The following POLH variants were observed in gnomAD, a reference collection of about 807,000 sequenced individuals.
POLH encodes the protein DNA polymerase eta.
In POLH, 53 loss-of-function variants were observed where a neutral mutation model predicts 73.6. The observed-to-expected ratio is 0.72, with a 90% CI of 0.58 to 0.91. The LOEUF is 0.91. Ranked by LOEUF, POLH falls within the 40% of genes least tolerant of loss-of-function variation. The pLI is 0.00. For missense variants in POLH, 768 were observed against 865.4 expected, an observed-to-expected ratio of 0.89 and a Z score of 1.41; for synonymous variants, 292 against 308.5, an observed-to-expected ratio of 0.95 and a Z score of 0.56.
chr6:43,593,760 A>G (rs1459250949), intron 4 of POLH, among the ~76,000 whole-genome samples: 1 of 151,792 alleles, frequency 6.6e-6, no homozygotes, highest in Admixed American at 6.6e-5. Flanking sequence ...CATGCCTATA[A>G]TCCTAGCTTT....
chr6:43,614,296 A>T lies in POLH; in HGVS notation c.1881A>T (p.Leu627=), dbSNP rs373634834. The stretch of plus-strand genomic sequence containing the variant: ...AAGCAACCCCAAATCCAAGTCTTCT[A>T]GCTGCTGAGGACCAAGTGCCCTGTG... The part of the protein sequence containing the change: ...TQKATPNPSL[L]AAEDQVPCEK... The change falls in exon 11 of 11, where the codon CTA becomes CTT. Residue 627 remains leucine, a synonymous_variant. Transcript: ENST00000372236. 1 of 1,599,750 alleles carries T rather than the reference A, an allele frequency of 6.3e-7. No homozygotes were observed. Among genetic ancestry groups the T allele is most frequent in the African/African-American group, 1.3e-5 (1 of 74,418 alleles).
At chr6:43,587,005 G>A (rs184932480) in intron 3 of POLH, among the ~76,000 whole-genome samples, 6 of 152,218 alleles carry the variant, frequency 3.9e-5, no homozygotes, top group Non-Finnish European at 7.4e-5. Flanking sequence ...TCATATAGAC[G>A]TGTTCATAGT....
rs1768129381 is a variant in POLH, at chr6:43,613,683, T to G, written c.1268T>G (p.Phe423Cys). The change falls in exon 11 of 11, where the codon TTC becomes TGC. Residue 423 changes from phenylalanine to cysteine, a missense_variant. Physicochemically the swap from Phe to Cys is radical, Grantham distance 205. Coordinates refer to ENST00000372236, the MANE Select transcript of POLH (RefSeq NM_006502.3). The part of the protein sequence containing the change: ...TEWSPPLTML[F>C]LCATKFSASA... ...AGGTCTCCTCCTCTCACAATGCTTT[T>G]CCTCTGTGCTACAAAATTTTCTGCC... is the stretch of plus-strand genomic sequence containing the variant. The G allele has an allele frequency of 6.2e-7, 1 of 1,614,020 alleles. No individual in the cohort carries two copies. Among genetic ancestry groups the G allele is most frequent in the South Asian group, 1.1e-5 (1 of 91,028 alleles).
At chr6:43,598,689 A>G (rs980736324) in intron 5 of POLH, among the ~76,000 whole-genome samples, 110 of 152,184 alleles carry the variant, frequency 7.2e-4, no homozygotes, top group African/African-American at 2.3e-3. Context: ...AACAATTTAT[A>G]TAGCATTTAC....
Position 43,614,032 on chromosome 6 carries a change from A to G in POLH, c.1617A>G (p.Leu539=). 1.2e-6 allele frequency: 2 copies of G among 1,614,168 alleles called. No homozygotes were observed. ...EPFFKQKSLL[L]KQKQLNNSSV... ...TCTTTAAGCAGAAAAGTCTGCTTCT[A>G]AAGCAGAAACAGCTTAATAATTCTT... The change falls in exon 11 of 11, where the codon CTA becomes CTG. Residue 539 remains leucine, a synonymous_variant. Transcript: ENST00000372236.
rs528070245 is a variant in POLH, at chr6:43,576,949, A to G, written c.-5+509A>G. Among the ~76,000 whole-genome samples, 8 of 152,298 alleles carry G rather than the reference A, an allele frequency of 5.3e-5. No homozygotes were observed. The East Asian group carries it at 1.5e-3, about 29-fold the overall frequency. Reference sequence around the variant, plus strand: ...GGCGGGCGGATCACCTGAGGTCAGGAGTTCGAGACCAGCCTCACCAACATG... The same window carrying G: ...GGCGGGCGGATCACCTGAGGTCAGGGGTTCGAGACCAGCCTCACCAACATG... On this transcript the variant is annotated intron_variant, in intron 1 of 10. Coordinates refer to ENST00000372236, the MANE Select transcript of POLH (RefSeq NM_006502.3).
chr6:43,589,591 T>G (rs557062439), intron 4 of POLH, among the ~76,000 whole-genome samples: 1 of 152,232 alleles, frequency 6.6e-6, no homozygotes, highest in African/African-American at 2.4e-5. Context: ...ATTTTTTGAT[T>G]TGCAAGAGTT....
intron 3 of POLH, among the ~76,000 whole-genome samples, chr6:43,585,443 C>G (rs575219273): frequency 6.6e-6 from 1 of 152,054 alleles, no homozygotes; most frequent in African/African-American, 2.4e-5. Context: ...CTAATTATGC[C>G]GTGGTCTTTT....
Position 43,614,123 on chromosome 6 carries a change from G to C in POLH, c.1708G>C (p.Glu570Gln). The C allele has an allele frequency of 6.2e-7, 1 of 1,614,196 alleles. No homozygotes were observed. The highest frequency in any genetic ancestry group is 8.5e-7 in the Non-Finnish European group (1 of 1,180,034). Residue 570 changes from glutamate to glutamine, a missense_variant, in exon 11 of 11, where the codon GAG becomes CAG. Glu to Gln is a conservative substitution (Grantham distance 29). Coordinates refer to ENST00000372236, the MANE Select transcript of POLH (RefSeq NM_006502.3). ...CKALPNSLPT[E>Q]YPGCVPVCEG... ...AGCATTACCAAACTCTTTACCAACA[G>C]AGTATCCAGGGTGTGTCCCTGTTTG...
In POLH at chr6:43,615,976, CA is replaced by C. The variant is rs944299439; in HGVS notation, c.*1426del. 8.6e-5 allele frequency among the ~76,000 whole-genome samples: 13 copies of C among 151,318 alleles called. No homozygotes were observed. The highest frequency in any genetic ancestry group is 3.2e-4 in the African/African-American group (13 of 41,258). On this transcript the variant is annotated 3_prime_UTR_variant, in exon 11 of 11. Coordinates refer to ENST00000372236, the MANE Select transcript of POLH (RefSeq NM_006502.3). ...TGTTAGCCACCGATCCTGGCCCCCCCAAAAAAAGGATTTTAAGAAAAACTTC... is the reference window on the plus strand; with the variant it reads ...TGTTAGCCACCGATCCTGGCCCCCCCAAAAAAGGATTTTAAGAAAAACTTC...
At chr6:43,580,914 G>A (rs112678157) in intron 1 of POLH, among the ~76,000 whole-genome samples, 76 of 149,160 alleles carry the variant, frequency 5.1e-4, no homozygotes, top group African/African-American at 1.0e-3. Context: ...CCTCCCTCCC[G>A]GACGGCACGG....
At position 43,605,317 on chromosome 6, in the gene POLH, G is replaced by C; in HGVS notation, c.1072G>C (p.Asp358His). Residue 358 changes from aspartate to histidine, a missense_variant and splice_region_variant, in exon 9 of 11, where the codon GAT becomes CAT. Coordinates refer to ENST00000372236, the MANE Select transcript of POLH (RefSeq NM_006502.3). ...GGAGAGACTGACTAAAGACCGAAAT[G>C]ATGTAAGATTTTCTTTCTTTATTCC... ...LEERLTKDRNDNDRVATQLVV... is the reference protein window; with the variant it reads ...LEERLTKDRNHNDRVATQLVV... The C allele has an allele frequency of 3.8e-6, 6 of 1,561,108 alleles. No homozygotes were observed. The highest frequency in any genetic ancestry group is 5.3e-6 in the Non-Finnish European group (6 of 1,132,588).
At position 43,610,637 on chromosome 6, in the gene POLH, C is replaced by CG; in HGVS notation, c.1158_1159insG (p.Leu387AlafsTer5). The CG allele has an allele frequency of 6.2e-7, 1 of 1,613,804 alleles. No individual in the cohort carries two copies. Among genetic ancestry groups the CG allele is most frequent in the Non-Finnish European group, 8.5e-7 (1 of 1,179,854 alleles). On this transcript the variant is annotated frameshift_variant, in exon 10 of 11. Coordinates refer to ENST00000372236, the MANE Select transcript of POLH (RefSeq NM_006502.3). LOFTEE classifies it high-confidence loss of function. ...TCAGCAGCCTGCGCCGCTGCTGTGC[C>CG]CTTACCCGCTATGATGCTCACAAGA...
intron 2 of POLH, among the ~76,000 whole-genome samples, chr6:43,582,716 A>T (rs1039884133): frequency 1.3e-5 from 2 of 151,680 alleles, no homozygotes; most frequent in African/African-American, 4.8e-5. Flanking sequence ...GTGGGTAGAG[A>T]TGGGGATTGG....
chr6:43,585,665 G>GA (rs201521491), intron 3 of POLH, among the ~76,000 whole-genome samples: 2,633 of 140,270 alleles, frequency 0.019, 32 homozygotes, highest in South Asian at 0.039. Context: ...GTGGGTGGGG[G>GA]ACGGAGTTTC....
At chr6:43,600,493 G>A (rs944575397) in intron 5 of POLH, among the ~76,000 whole-genome samples, 1 of 152,110 alleles carries the variant, frequency 6.6e-6, no homozygotes, top group Admixed American at 6.6e-5. Context: ...GTTTGTTATT[G>A]GAGGGTGGTT....
At chr6:43,585,637 C>CTTTTTT (rs1208848737) in intron 3 of POLH, among the ~76,000 whole-genome samples, 19 of 107,428 alleles carry the variant, frequency 1.8e-4, no homozygotes, top group African/African-American at 9.2e-4. Context: ...TCTTTCTTTT[C>CTTTTTT]TTTTTTTTTT....
intron 6 of POLH, among the ~76,000 whole-genome samples, chr6:43,602,995 C>CTTT (rs59306548): frequency 1.7e-4 from 19 of 114,024 alleles, no homozygotes; most frequent in African/African-American, 4.7e-4. Flanking sequence ...TTATGTATTC[C>CTTT]TTTTTTTTTT....
intron 4 of POLH, among the ~76,000 whole-genome samples, chr6:43,594,600 C>T (rs926721457): frequency 2.0e-5 from 3 of 152,032 alleles, no homozygotes; most frequent in Non-Finnish European, 4.4e-5. Flanking sequence ...CCAGCTACTC[C>T]GGAGGCTGAA....
Sources: allele counts gnomAD v4.1 joint callset (sites outside exome capture counted in the v4.1 genomes callset), GRCh38; gene constraint gnomAD v4.1.1; transcripts MANE v1.5; gene names NCBI Gene and HGNC (gene_info 2026-07-23, HGNC 2026-07-21).